Variants in RALYL observed in about 807,000 individuals in gnomAD.
The protein encoded by RALYL is RNA-binding Raly-like protein.
Under a neutral mutation model 35.1 loss-of-function variants are expected in RALYL, and 29 were observed. That is an observed-to-expected ratio of 0.83 (90% CI 0.61 to 1.13). The LOEUF (loss-of-function observed/expected upper bound fraction) is 1.13. Among genes scored for constraint, RALYL ranks in the 50% most tolerant of loss-of-function variants. The probability of loss-of-function intolerance (pLI) is 0.00; values close to 1 mark genes in which losing one functional copy is unlikely to be tolerated. For synonymous variants in RALYL, 120 were observed against 127.6 expected (o/e 0.94, Z 0.40); for missense variants, 359 against 360.4 (o/e 1.00, Z 0.03).
At chr8:84,557,133 C>T (rs1437659852) in intron 2 of RALYL, among the ~76,000 whole-genome samples, 4 of 152,134 alleles carry the variant, frequency 2.6e-5, no homozygotes, top group Non-Finnish European at 4.4e-5. Context: ...TATATTTTCA[C>T]CCCGTGTAGC....
chr8:84,905,866 T>A (rs2135609946), intron 8 of RALYL, among the ~76,000 whole-genome samples: 1 of 152,234 alleles, frequency 6.6e-6, no homozygotes. Flanking sequence ...ATAGTAATAC[T>A]CCTGTTTCCT....
intron 2 of RALYL, among the ~76,000 whole-genome samples, chr8:84,615,759 C>A (rs1208289900): frequency 1.1e-4 from 12 of 111,246 alleles, no homozygotes; most frequent in Admixed American, 4.9e-4. Context: ...CCCCACCCCA[C>A]AACAGTCCCC....
intron 1 of RALYL, among the ~76,000 whole-genome samples, chr8:84,231,927 A>G (rs1825456827): frequency 6.6e-6 from 1 of 152,164 alleles, no homozygotes; most frequent in Non-Finnish European, 1.5e-5. Context: ...ACAATGTGGG[A>G]TTTGTCAAAG....
intron 8 of RALYL, among the ~76,000 whole-genome samples, chr8:84,916,531 G>T (rs1288327272): frequency 1.3e-5 from 2 of 151,918 alleles, no homozygotes; most frequent in African/African-American, 4.8e-5. Context: ...ATAGGGGGGA[G>T]TTTCCCTGCA....
At chr8:84,622,861 CGTT>C (rs1486664854) in intron 2 of RALYL, among the ~76,000 whole-genome samples, 2 of 151,962 alleles carry the variant, frequency 1.3e-5, no homozygotes, top group African/African-American at 4.8e-5. Context: ...CACACCAAGT[CGTT>C]GTTATCTACG....
At position 84,365,169 on chromosome 8, in the gene RALYL, C is replaced by A. The variant is rs191753494; in HGVS notation, c.-23-164130C>A. Among the ~76,000 whole-genome samples, 139 of 152,142 alleles carry A rather than the reference C, an allele frequency of 9.1e-4. 1 individual carries two copies. The East Asian group carries it at 0.018, about 20-fold the overall frequency. On this transcript the variant is annotated intron_variant, in intron 1 of 8. Transcript: ENST00000521268. ...ACCTGGTTTTCTTAATAGTAAATTACTAGTCAGTTATGTAAAATAAATAGG... is the reference window on the plus strand; with the variant it reads ...ACCTGGTTTTCTTAATAGTAAATTAATAGTCAGTTATGTAAAATAAATAGG...
At chr8:84,503,821 T>G (rs1248772644) in intron 1 of RALYL, among the ~76,000 whole-genome samples, 1 of 151,132 alleles carries the variant, frequency 6.6e-6, no homozygotes, top group African/African-American at 2.4e-5. Context: ...GAGCCAAGAT[T>G]GCACTGCACT....
At chr8:84,699,663 G>A (rs1839848156) in intron 2 of RALYL, among the ~76,000 whole-genome samples, 1 of 152,076 alleles carries the variant, frequency 6.6e-6, no homozygotes, top group African/African-American at 2.4e-5. Flanking sequence ...GGAGGGATTA[G>A]GTTTCAATGC....
chr8:84,793,924 C>A (rs763444302), intron 3 of RALYL, among the ~76,000 whole-genome samples: 1 of 152,236 alleles, frequency 6.6e-6, no homozygotes, highest in East Asian at 1.9e-4. Flanking sequence ...GCAAAACACA[C>A]GTAAAAATGA....
intron 4 of RALYL, among the ~76,000 whole-genome samples, chr8:84,824,456 C>A (rs1271879852): frequency 6.6e-6 from 1 of 152,084 alleles, no homozygotes; most frequent in East Asian, 1.9e-4. Context: ...CCTATAGATC[C>A]AGCACTATTC....
chr8:84,858,921 AAAAGT>A (rs1837569649), intron 5 of RALYL, among the ~76,000 whole-genome samples: 1 of 152,198 alleles, frequency 6.6e-6, no homozygotes, highest in South Asian at 2.1e-4. Context: ...CAGGTCCATT[AAAAGT>A]TGTAAAATTA....
intron 8 of RALYL, among the ~76,000 whole-genome samples, chr8:84,893,311 G>C (rs982630145): frequency 6.6e-6 from 1 of 152,042 alleles, no homozygotes; most frequent in Non-Finnish European, 1.5e-5. Context: ...TACATAGGTA[G>C]GTAAAGGTGA....
At chr8:84,863,193 CAT>C in intron 6 of RALYL, among the ~76,000 whole-genome samples, 1 of 152,208 alleles carries the variant, frequency 6.6e-6, no homozygotes, top group East Asian at 1.9e-4. Context: ...AGAATAAACA[CAT>C]AGAGAAAGTT....
intron 1 of RALYL, among the ~76,000 whole-genome samples, chr8:84,264,449 GT>G (rs373596991): frequency 0.064 from 7,728 of 121,224 alleles, 264 homozygotes; most frequent in African/African-American, 0.15. Flanking sequence ...CTTTTTAATG[GT>G]TTTTTTTTTT....
chr8:84,213,059 T>G (rs1819891030), intron 1 of RALYL, among the ~76,000 whole-genome samples: 1 of 152,142 alleles, frequency 6.6e-6, no homozygotes. Flanking sequence ...TCAGAGTATA[T>G]AGATACAATA....
chr8:84,708,985 A>G (rs1841691391), intron 2 of RALYL, among the ~76,000 whole-genome samples: 8 of 152,198 alleles, frequency 5.3e-5, no homozygotes. Flanking sequence ...CTGAATTGGA[A>G]CAGATCATGT....
At chr8:84,766,850 A>G (rs1479110131) in intron 2 of RALYL, among the ~76,000 whole-genome samples, 1 of 151,248 alleles carries the variant, frequency 6.6e-6, no homozygotes, top group East Asian at 1.9e-4. Context: ...TTTGGTCTGT[A>G]TAAATTTAAT....
intron 1 of RALYL, among the ~76,000 whole-genome samples, chr8:84,211,117 T>C (rs544647281): frequency 1.3e-5 from 2 of 152,244 alleles, no homozygotes; most frequent in East Asian, 3.9e-4. Context: ...TGATCCCCAT[T>C]TTACAGATGG....
intron 2 of RALYL, among the ~76,000 whole-genome samples, chr8:84,656,777 G>GA (rs1281806936): frequency 1.3e-5 from 2 of 151,844 alleles, no homozygotes; most frequent in Non-Finnish European, 2.9e-5. Context: ...TATAAAATGA[G>GA]AAAAAATATA....
Sources: gnomAD v4.1 joint callset for allele counts (sites outside exome capture counted in the v4.1 genomes callset) on GRCh38, gnomAD v4.1.1 for gene constraint, MANE v1.5 for transcripts, NCBI Gene and HGNC (gene_info 2026-07-23, HGNC 2026-07-21) for gene names.